SEPTIN6: variants seen among roughly 807,000 people sequenced by gnomAD.
SEPTIN6 encodes the protein septin 6.
In SEPTIN6, 8 loss-of-function variants were observed where a neutral mutation model predicts 33.6. The ratio of observed to expected loss-of-function variants is 0.24; its 90% CI spans 0.14 to 0.43. The LOEUF is 0.43. Among genes scored for constraint, SEPTIN6 ranks in the 20% least tolerant of loss-of-function variants. The pLI is 1.00. For missense variants in SEPTIN6, 250 were observed against 340.8 expected (o/e 0.73, Z 2.10); for synonymous variants, 131 against 140.0 (o/e 0.94, Z 0.45).
intron 3 of SEPTIN6, among the ~76,000 whole-genome samples, chrX:119,655,701 TCACTA>T (rs1218941802): frequency 9.0e-6 from 1 of 111,563 alleles, no homozygotes; most frequent in East Asian, 2.8e-4. Context: ...TCCCTCCCCA[TCACTA>T]CTGATAATCT....
At chrX:119,685,646 G>A (rs1034226601) in intron 1 of SEPTIN6, among the ~76,000 whole-genome samples, 31 of 111,140 alleles carry the variant, frequency 2.8e-4, no homozygotes, top group East Asian at 1.1e-3. Flanking sequence ...TCGAGCCAAC[G>A]GCCACTCTCA....
chrX:119,655,246 C>A (rs1021541571), intron 3 of SEPTIN6, among the ~76,000 whole-genome samples: 1 of 110,249 alleles, frequency 9.1e-6, no homozygotes, highest in Admixed American at 9.7e-5. Flanking sequence ...TTGGTGTAGA[C>A]GAATCCTAAA....
At chrX:119,626,093 G>A (rs964696790) in intron 9 of SEPTIN6, among the ~76,000 whole-genome samples, 1 of 112,202 alleles carries the variant, frequency 8.9e-6, no homozygotes, top group East Asian at 2.8e-4. Context: ...TGGAAGTACA[G>A]AAGAAGACAG....
intron 5 of SEPTIN6, chrX:119,646,785 C>G (rs762635918): frequency 6.4e-6 from 2 of 311,800 alleles, no homozygotes; most frequent in South Asian, 3.1e-5. Flanking sequence ...GGGCTGGAGT[C>G]AAATCCAAAA....
intron 2 of SEPTIN6, among the ~76,000 whole-genome samples, chrX:119,666,376 C>T (rs752529424): frequency 1.8e-5 from 2 of 112,108 alleles, no homozygotes; most frequent in Non-Finnish European, 3.8e-5. Flanking sequence ...TGATGCAGAA[C>T]TGAAAATGCT....
chrX:119,617,984 A>T lies in SEPTIN6; in HGVS notation c.*2109T>A. 1.2e-6 allele frequency: 1 copy of T among 804,257 alleles called. No homozygotes were observed. The highest frequency in any genetic ancestry group is 6.6e-5 in the South Asian group (1 of 15,210). The allele number at this position is 804,257 out of a possible 1,213,427, so 66.3% of individuals were successfully genotyped here. A position where few individuals can be genotyped will look rare whatever the true frequency, so the allele number is the denominator to read the frequency against. On this transcript the variant is annotated 3_prime_UTR_variant, in exon 11 of 11. Coordinates refer to ENST00000394610, the MANE Select transcript of SEPTIN6 (RefSeq NM_145799.4). Reference sequence around the variant, plus strand: ...CCTCCGGTTTGTAATGCAAATAATTACCGGGCGGCGGTGTGGGGAAGTGGT... The same window carrying T: ...CCTCCGGTTTGTAATGCAAATAATTTCCGGGCGGCGGTGTGGGGAAGTGGT...
Position 119,679,301 on chromosome X carries a change from A to G in SEPTIN6, c.31-3633T>C, listed in dbSNP as rs189931006. Reference sequence around the variant, plus strand: ...AAGTATGGACTTCATTTCCTAAGCAATGGGATTTGGGGGATTTTGAGTGAT... The same window carrying G: ...AAGTATGGACTTCATTTCCTAAGCAGTGGGATTTGGGGGATTTTGAGTGAT... On this transcript the variant is annotated intron_variant, in intron 1 of 10. Transcript: ENST00000394610. Among the ~76,000 whole-genome samples, 16 of 111,451 alleles carry G rather than the reference A, an allele frequency of 1.4e-4. No individual in the cohort carries two copies. The East Asian group carries it at 4.5e-3, about 31-fold the overall frequency.
At chrX:119,687,823 C>T (rs2055085642) in intron 1 of SEPTIN6, among the ~76,000 whole-genome samples, 1 of 112,485 alleles carries the variant, frequency 8.9e-6, no homozygotes, top group Admixed American at 9.4e-5. Flanking sequence ...ACAGCAGAGA[C>T]TCCACAAAGT....
intron 8 of SEPTIN6, among the ~76,000 whole-genome samples, chrX:119,631,733 C>A (rs985546189): frequency 9.1e-6 from 1 of 110,080 alleles, no homozygotes; most frequent in Non-Finnish European, 1.9e-5. Flanking sequence ...CAGGCACGTG[C>A]AACCATGCCT....
chrX:119,645,901 C>A (rs1289230299), intron 5 of SEPTIN6, among the ~76,000 whole-genome samples: 5 of 112,159 alleles, frequency 4.5e-5, no homozygotes, highest in Non-Finnish European at 9.4e-5. Flanking sequence ...ATAGCACCAC[C>A]TTTACTGACT....
chrX:119,686,964 A>G (rs1488841371), intron 1 of SEPTIN6, among the ~76,000 whole-genome samples: 3 of 111,045 alleles, frequency 2.7e-5, no homozygotes, highest in African/African-American at 9.8e-5. Flanking sequence ...TCTTAGAAAC[A>G]TCATGAAAAG....
chrX:119,668,052 T>C (rs1211998963), intron 2 of SEPTIN6, among the ~76,000 whole-genome samples: 1 of 111,680 alleles, frequency 9.0e-6, no homozygotes, highest in Non-Finnish European at 1.9e-5. Flanking sequence ...TCCCAGCACT[T>C]TGGGAGGTCG....
At chrX:119,682,223 T>C (rs1161521366) in intron 1 of SEPTIN6, among the ~76,000 whole-genome samples, 4 of 111,069 alleles carry the variant, frequency 3.6e-5, no homozygotes, top group African/African-American at 1.3e-4. Flanking sequence ...GGGATGGAAA[T>C]AGGGGCTCAG....
At chrX:119,641,367 C>G (rs954161896) in intron 5 of SEPTIN6, among the ~76,000 whole-genome samples, 6 of 111,968 alleles carry the variant, frequency 5.4e-5, no homozygotes, top group Non-Finnish European at 7.5e-5. Flanking sequence ...CTCACATGAC[C>G]ATGCTGGGTT....
intron 3 of SEPTIN6, among the ~76,000 whole-genome samples, chrX:119,660,218 A>G (rs888517850): frequency 1.8e-5 from 2 of 112,345 alleles, no homozygotes; most frequent in East Asian, 5.6e-4. Flanking sequence ...ATCCGGCCTT[A>G]GTCATTCCTC....
At position 119,675,676 on chromosome X, in the gene SEPTIN6, G is replaced by A; in HGVS notation, c.31-8C>T. 1 of 1,036,470 alleles carries A rather than the reference G, an allele frequency of 9.6e-7. No homozygotes were observed. Among genetic ancestry groups the A allele is most frequent in the Non-Finnish European group, 1.3e-6 (1 of 778,548 alleles). 85.4% of individuals were successfully genotyped at this position (1,036,470 alleles called of 1,213,427 possible). A position where few individuals can be genotyped will look rare whatever the true frequency, so the allele number is the denominator to read the frequency against. ...AGTTCGGCAACCTTCACCCTAATTTGGAAGGAGTGAGGGAGAAAATGAAAA... is the reference window on the plus strand; with the variant it reads ...AGTTCGGCAACCTTCACCCTAATTTAGAAGGAGTGAGGGAGAAAATGAAAA... On this transcript the variant is annotated splice_region_variant and splice_polypyrimidine_tract_variant and intron_variant, in intron 1 of 10. Coordinates refer to ENST00000394610, the MANE Select transcript of SEPTIN6 (RefSeq NM_145799.4).
chrX:119,670,925 C>T (rs1490128568), intron 2 of SEPTIN6, among the ~76,000 whole-genome samples: 5 of 95,112 alleles, frequency 5.3e-5, no homozygotes, highest in African/African-American at 1.9e-4. Context: ...GTGACAAGAG[C>T]GAAACTCCAT....
chrX:119,679,809 G>A (rs917230650), intron 1 of SEPTIN6, among the ~76,000 whole-genome samples: 3 of 111,748 alleles, frequency 2.7e-5, no homozygotes, highest in African/African-American at 6.5e-5. Flanking sequence ...GCAGTGAGCC[G>A]AGATTGCGCC....
intron 5 of SEPTIN6, among the ~76,000 whole-genome samples, chrX:119,649,111 A>ATTTTT (rs200217501): frequency 2.4e-4 from 18 of 75,687 alleles, no homozygotes; most frequent in East Asian, 4.2e-4. Flanking sequence ...CATAACGCTG[A>ATTTTT]TTTTTTTTTT....
Sources: gnomAD v4.1 joint callset for allele counts (sites outside exome capture counted in the v4.1 genomes callset) on GRCh38, gnomAD v4.1.1 for gene constraint, MANE v1.5 for transcripts, NCBI Gene and HGNC (gene_info 2026-07-23, HGNC 2026-07-21) for gene names.